RAB10: variants seen among roughly 807,000 people sequenced by gnomAD.
RAB10 encodes RAB10, member RAS oncogene family.
In RAB10, 5 loss-of-function variants were observed where a neutral mutation model predicts 25.7. That is an observed-to-expected ratio of 0.19 (90% CI 0.10 to 0.41). The LOEUF is 0.41. Ranked by LOEUF, RAB10 falls within the 10% of genes least tolerant of loss-of-function variation. The pLI is 1.00. For synonymous variants in RAB10, 89 were observed against 86.4 expected, an observed-to-expected ratio of 1.03 and a Z score of -0.16; for missense variants, 103 against 245.8, an observed-to-expected ratio of 0.42 and a Z score of 3.89.
At chr2:26,052,559 GA>G (rs1313244231) in intron 1 of RAB10, among the ~76,000 whole-genome samples, 1 of 149,392 alleles carries the variant, frequency 6.7e-6, no homozygotes, top group African/African-American at 2.5e-5. Flanking sequence ...TTTCTCCAGA[GA>G]AAGACTCAGA....
chr2:26,055,337 T>C (rs1442900317), intron 1 of RAB10, among the ~76,000 whole-genome samples: 2 of 152,146 alleles, frequency 1.3e-5, no homozygotes, highest in African/African-American at 4.8e-5. Context: ...GTCACTATTT[T>C]TGTTTTTTGA....
chr2:26,109,726 A>G, intron 2 of RAB10, 42 bp from the exon 3 acceptor site: 1 of 1,491,502 alleles, frequency 6.7e-7, no homozygotes, highest in Non-Finnish European at 8.9e-7. Context: ...AAATGTAGTA[A>G]TATCAAAATG....
In RAB10 at chr2:26,128,008, G is replaced by A; in HGVS notation, c.519+57G>A. On this transcript the variant is annotated intron_variant, in intron 5 of 5. Transcript: ENST00000264710. ...CCTGAGTATCTCTGTTGAATATTTT[G>A]TCTATTCTGAAGTACTGGATTTACA... is the stretch of plus-strand genomic sequence containing the variant. 16 of 1,412,162 alleles carry A rather than the reference G, an allele frequency of 1.1e-5. 1 individual carries two copies. The South Asian group carries it at 1.7e-4, about 15-fold the overall frequency. The allele number at this position is 1,412,162 out of a possible 1,614,324, so 87.5% of individuals were successfully genotyped here.
intron 1 of RAB10, among the ~76,000 whole-genome samples, chr2:26,093,962 C>G (rs955977435): frequency 3.3e-5 from 5 of 151,940 alleles, no homozygotes; most frequent in Admixed American, 2.0e-4. Flanking sequence ...GTGGCATGAT[C>G]ACAGCTCACT....
intron 5 of RAB10, among the ~76,000 whole-genome samples, chr2:26,129,596 G>A (rs1487581645): frequency 6.6e-6 from 1 of 152,026 alleles, no homozygotes; most frequent in African/African-American, 2.4e-5. Flanking sequence ...TTATATAGAG[G>A]CATTAAAACT....
intron 1 of RAB10, among the ~76,000 whole-genome samples, chr2:26,053,283 A>C (rs1381192022): frequency 6.6e-6 from 1 of 152,200 alleles, no homozygotes; most frequent in Non-Finnish European, 1.5e-5. Flanking sequence ...GGATAGTGGA[A>C]TGTAGTATTG....
intron 3 of RAB10, among the ~76,000 whole-genome samples, chr2:26,117,619 CAA>C (rs71399361): frequency 5.8e-5 from 2 of 34,390 alleles, no homozygotes; most frequent in Admixed American, 2.5e-4. Context: ...GACTCCGTCT[CAA>C]AAAAAAAAAA....
intron 3 of RAB10, among the ~76,000 whole-genome samples, chr2:26,122,415 T>G (rs1667823310): frequency 6.6e-6 from 1 of 152,004 alleles, no homozygotes; most frequent in African/African-American, 2.4e-5. Flanking sequence ...GATCACGAGG[T>G]CAGGAGATCG....
At chr2:26,057,620 T>TTTCATTCATTCATTCATTCATCCA in intron 1 of RAB10, among the ~76,000 whole-genome samples, 1 of 149,196 alleles carries the variant, frequency 6.7e-6, no homozygotes, top group African/African-American at 2.5e-5. Context: ...GGCAAGTTTC[T>TTTCATTCATTCATTCATTCATCCA]TTCATTCATT....
At chr2:26,037,851 C>T (rs1013986689) in intron 1 of RAB10, among the ~76,000 whole-genome samples, 4 of 151,820 alleles carry the variant, frequency 2.6e-5, no homozygotes, top group African/African-American at 7.3e-5. Flanking sequence ...TCCTGCACAC[C>T]GTGGTACCCA....
intron 1 of RAB10, among the ~76,000 whole-genome samples, chr2:26,063,743 C>T (rs1338349956): frequency 2.6e-5 from 4 of 151,956 alleles, no homozygotes; most frequent in African/African-American, 4.8e-5. Context: ...CAGATCCAGT[C>T]GTTACATTGA....
chr2:26,127,990 A>T, intron 5 of RAB10, 39 bp downstream of exon 5: 1 of 1,452,658 alleles, frequency 6.9e-7, no homozygotes. Context: ...GTACCTGAGT[A>T]TCTCTGTTGA....
At chr2:26,058,831 A>C (rs1248551605) in intron 1 of RAB10, among the ~76,000 whole-genome samples, 1 of 152,172 alleles carries the variant, frequency 6.6e-6, no homozygotes, top group Non-Finnish European at 1.5e-5. Context: ...AAATAGCAAC[A>C]GCTCCCCTCT....
chr2:26,037,648 A>C (rs962971163), intron 1 of RAB10, among the ~76,000 whole-genome samples: 1 of 152,080 alleles, frequency 6.6e-6, no homozygotes, highest in African/African-American at 2.4e-5. Flanking sequence ...TCAAAAAAAA[A>C]AAAAAGTGTC....
chr2:26,038,494 C>G (rs982675532), intron 1 of RAB10, among the ~76,000 whole-genome samples: 1 of 152,056 alleles, frequency 6.6e-6, no homozygotes, highest in Non-Finnish European at 1.5e-5. Context: ...CTGCGCCCAG[C>G]CTAGACTCTG....
intron 1 of RAB10, among the ~76,000 whole-genome samples, chr2:26,097,563 C>T (rs779642918): frequency 3.3e-5 from 5 of 152,222 alleles, no homozygotes; most frequent in Non-Finnish European, 7.3e-5. Context: ...CAGGCGTGAG[C>T]CACCGTGCCT....
In RAB10 at chr2:26,034,579, CG is replaced by C. The variant is rs757855377; in HGVS notation, c.-28del. On this transcript the variant is annotated 5_prime_UTR_variant, in exon 1 of 6. Transcript: ENST00000264710. ...AGAGGGACCGATCCCTTGGGGCCGC[CG>C]GCGGCGAGAGCCCGAGCCGCTCCTC... is the stretch of plus-strand genomic sequence containing the variant. 6.2e-7 allele frequency: 1 copy of C among 1,612,210 alleles called. No homozygotes were observed. Among genetic ancestry groups the C allele is most frequent in the Non-Finnish European group, 8.5e-7 (1 of 1,179,868 alleles).
Position 26,034,162 on chromosome 2 carries a change from GC to G in RAB10, c.-446del. 1 of 409,540 alleles carries G rather than the reference GC, an allele frequency of 2.4e-6. No homozygotes were observed. Among genetic ancestry groups the G allele is most frequent in the Non-Finnish European group, 4.3e-6 (1 of 231,610 alleles). The allele number at this position is 409,540 out of a possible 1,614,324, so 25.4% of individuals were successfully genotyped here. A position where few individuals can be genotyped will look rare whatever the true frequency, so the allele number is the denominator to read the frequency against. ...GGCCGGGGTGGCTCGGTTTCCTGGG[GC>G]TATGTAACTGAGCTCGTCGACTTAG... On this transcript the variant is annotated 5_prime_UTR_variant, in exon 1 of 6. Coordinates refer to ENST00000264710, the MANE Select transcript of RAB10 (RefSeq NM_016131.5).
At chr2:26,073,234 G>A (rs1666665172) in intron 1 of RAB10, among the ~76,000 whole-genome samples, 1 of 152,224 alleles carries the variant, frequency 6.6e-6, no homozygotes, top group Admixed American at 6.5e-5. Context: ...TTTCAAAAGT[G>A]ATGGAAGGGC....
Sources: allele counts gnomAD v4.1 joint callset (sites outside exome capture counted in the v4.1 genomes callset), GRCh38; gene constraint gnomAD v4.1.1; transcripts MANE v1.5; gene names NCBI Gene and HGNC (gene_info 2026-07-23, HGNC 2026-07-21).